SGCG: variants seen among roughly 807,000 people sequenced by gnomAD.
SGCG encodes the protein gamma-sarcoglycan.
SGCG carries 26 observed loss-of-function variants against 29.3 expected under a neutral mutation model. The ratio of observed to expected loss-of-function variants is 0.89; its 90% CI spans 0.65 to 1.23. SGCG has a LOEUF of 1.23. Among genes scored for constraint, SGCG ranks in the 50% most tolerant of loss-of-function variants. The pLI, the probability that SGCG is intolerant of heterozygous loss-of-function variation, is 0.00. For missense variants in SGCG, 353 were observed against 356.0 expected (o/e 0.99, Z 0.07); for synonymous variants, 145 against 129.7 (o/e 1.12, Z -0.80).
chr13:23,299,451 TATA>T (rs1370663276), intron 6 of SGCG, among the ~76,000 whole-genome samples: 4 of 45,456 alleles, frequency 8.8e-5, no homozygotes, highest in Admixed American at 2.5e-4. Flanking sequence ...TATATATATA[TATA>T]TATTTTTTTT....
intron 6 of SGCG, among the ~76,000 whole-genome samples, chr13:23,317,056 A>T (rs143833171): frequency 6.6e-6 from 1 of 152,268 alleles, no homozygotes; most frequent in African/African-American, 2.4e-5. Flanking sequence ...TTAGCCGGGC[A>T]TGGTGGTAGG....
upstream of SGCG, among the ~76,000 whole-genome samples, chr13:23,178,829 T>C (rs1876638967): frequency 6.6e-6 from 1 of 152,156 alleles, no homozygotes; most frequent in Non-Finnish European, 1.5e-5. Flanking sequence ...ACCCAACCAC[T>C]TAAGCCAGAA....
At chr13:23,176,578 G>T (rs1876560282), upstream of SGCG, among the ~76,000 whole-genome samples, 1 of 151,376 alleles carries the variant, frequency 6.6e-6, no homozygotes, top group Non-Finnish European at 1.5e-5. Context: ...GTTTCCATTT[G>T]CAGGGCGTAT....
At chr13:23,265,679 C>T (rs1202008185) in intron 4 of SGCG, among the ~76,000 whole-genome samples, 4 of 152,028 alleles carry the variant, frequency 2.6e-5, no homozygotes, top group Admixed American at 6.6e-5. Context: ...CACTCCATAC[C>T]ACTAGTCATC....
chr13:23,274,126 G>A (rs1880971108), intron 4 of SGCG, among the ~76,000 whole-genome samples: 1 of 152,008 alleles, frequency 6.6e-6, no homozygotes, highest in Non-Finnish European at 1.5e-5. Flanking sequence ...CATATTTAAC[G>A]CTTTTGACTT....
chr13:23,172,932 A>G, the SGCG span, among the ~76,000 whole-genome samples: 2 of 152,246 alleles, frequency 1.3e-5, no homozygotes, highest in South Asian at 4.1e-4. Flanking sequence ...TACGTAGTAG[A>G]TTCTCAACAA....
Position 23,203,688 on chromosome 13 carries a change from G to C in SGCG, c.1-7G>C. 1.2e-6 allele frequency: 2 copies of C among 1,607,768 alleles called. No individual in the cohort carries two copies. Among genetic ancestry groups the C allele is most frequent in the Non-Finnish European group, 1.7e-6 (2 of 1,175,894 alleles). On this transcript the variant is annotated splice_polypyrimidine_tract_variant and splice_region_variant and intron_variant, in intron 1 of 7. Transcript: ENST00000218867. ...CTCTCTCCTCTCGTGAACACACTCC[G>C]TGGCAGATGGTGCGTGAGCAGTACA...
At chr13:23,306,529 A>T (rs557988693) in intron 6 of SGCG, among the ~76,000 whole-genome samples, 1 of 152,142 alleles carries the variant, frequency 6.6e-6, no homozygotes, top group Non-Finnish European at 1.5e-5. Context: ...TGTTGTTTTC[A>T]TGGTTTTATA....
chr13:23,317,580 T>C (rs1203016580), intron 6 of SGCG, among the ~76,000 whole-genome samples: 1 of 152,238 alleles, frequency 6.6e-6, no homozygotes, highest in Non-Finnish European at 1.5e-5. Flanking sequence ...ACACTTGTAC[T>C]AAGAAAATAT....
chr13:23,242,072 A>G (rs1307930934), intron 3 of SGCG, among the ~76,000 whole-genome samples: 1 of 152,238 alleles, frequency 6.6e-6, no homozygotes. Flanking sequence ...AATTATCAAT[A>G]TCAGTGATGG....
In SGCG at chr13:23,203,820, T is replaced by C; in HGVS notation, c.126T>C (p.Leu42=). Residue 42 remains leucine (L), a synonymous_variant, in exon 2 of 8, where the codon CTT becomes CTC. Transcript: ENST00000218867. ...GCTGTCTCTACTTGTTTGTTCTTCT[T>C]TTACTCATCATCCTCGTTGTGAATT... ...RKRCLYLFVL[L]LLIILVVNLA... 1 of 1,614,102 alleles carries C rather than the reference T, an allele frequency of 6.2e-7. No individual in the cohort carries two copies. Among genetic ancestry groups the C allele is most frequent in the Non-Finnish European group, 8.5e-7 (1 of 1,179,948 alleles).
intron 1 of SGCG, among the ~76,000 whole-genome samples, chr13:23,183,408 G>A (rs147726147): frequency 2.6e-5 from 4 of 152,120 alleles, no homozygotes; most frequent in Non-Finnish European, 5.9e-5. Context: ...CCCTAAGCAG[G>A]CAGGAGACTC....
intron 4 of SGCG, among the ~76,000 whole-genome samples, chr13:23,265,572 G>A (rs944708292): frequency 3.0e-4 from 46 of 151,724 alleles, no homozygotes; most frequent in African/African-American, 1.0e-3. Context: ...GTGAGACTCC[G>A]TCTCAAAAAA....
chr13:23,210,435 T>C (rs1007331994), intron 2 of SGCG, among the ~76,000 whole-genome samples: 1 of 152,278 alleles, frequency 6.6e-6, no homozygotes, highest in Non-Finnish European at 1.5e-5. Flanking sequence ...CTCATTCCTG[T>C]AATCCCAGCA....
At chr13:23,161,890 A>T in the SGCG span, among the ~76,000 whole-genome samples, 6 of 152,252 alleles carry the variant, frequency 3.9e-5, no homozygotes, top group Non-Finnish European at 7.3e-5. Flanking sequence ...GTTACACGTA[A>T]ATAATTAACG....
the SGCG span, among the ~76,000 whole-genome samples, chr13:23,175,497 G>A: frequency 7.2e-5 from 11 of 152,258 alleles, no homozygotes; most frequent in South Asian, 6.2e-4. Flanking sequence ...TGATGGAGTT[G>A]CAATATCTGT....
At chr13:23,307,527 C>G (rs1257134261) in intron 6 of SGCG, among the ~76,000 whole-genome samples, 4 of 152,134 alleles carry the variant, frequency 2.6e-5, no homozygotes, top group African/African-American at 4.8e-5. Context: ...GGTGCCAGCA[C>G]TGGCTGTGGG....
In SGCG at chr13:23,230,639, C is replaced by G. The variant is rs78468410; in HGVS notation, c.196-3972C>G. On this transcript the variant is annotated intron_variant, in intron 2 of 7. Transcript: ENST00000218867. ...TGATTTTTGTACATTGATTTTGTAT[C>G]CCAAAACTTAGTTGAAATTGCTTAT... Among the ~76,000 whole-genome samples the G allele has an allele frequency of 6.0e-3, 918 of 152,196 alleles. 7 individuals carry two copies. The highest frequency in any genetic ancestry group is 0.024 in the Middle Eastern group (7 of 294).
intron 1 of SGCG, among the ~76,000 whole-genome samples, chr13:23,195,524 CT>C (rs1481591475): frequency 6.7e-6 from 1 of 150,216 alleles, no homozygotes; most frequent in East Asian, 2.0e-4. Context: ...GTTTTTTTCT[CT>C]TTTCAGGTCT....
Sources: gnomAD v4.1 joint callset for allele counts (sites outside exome capture counted in the v4.1 genomes callset) on GRCh38, gnomAD v4.1.1 for gene constraint, MANE v1.5 for transcripts, NCBI Gene and HGNC (gene_info 2026-07-23, HGNC 2026-07-21) for gene names.